GRID2: variants seen among roughly 807,000 people sequenced by gnomAD.
The protein encoded by GRID2 is glutamate ionotropic receptor delta type subunit 2, also known as glutamate receptor ionotropic, delta-2.
GRID2 carries 33 observed loss-of-function variants against 114.8 expected under a neutral mutation model. That is an observed-to-expected ratio of 0.29 (90% confidence interval 0.22 to 0.38). The LOEUF is 0.38. Ranked by LOEUF, GRID2 falls within the 10% of genes least tolerant of loss-of-function variation. The pLI, the probability that GRID2 is intolerant of heterozygous loss-of-function variation, is 1.00. For synonymous variants in GRID2, 505 were observed against 449.9 expected, an observed-to-expected ratio of 1.12 and a Z score of -1.55; for missense variants, 1,184 against 1,257.7, an observed-to-expected ratio of 0.94 and a Z score of 0.89.
chr4:92,385,354 A>G (rs938043426), intron 1 of GRID2, among the ~76,000 whole-genome samples: 1 of 151,886 alleles, frequency 6.6e-6, no homozygotes, highest in African/African-American at 2.4e-5. Flanking sequence ...ATTTTCAAAA[A>G]CATTTTAAAA....
intron 1 of GRID2, among the ~76,000 whole-genome samples, chr4:92,588,508 C>A (rs997306667): frequency 1.1e-4 from 16 of 151,034 alleles, no homozygotes; most frequent in African/African-American, 3.9e-4. Context: ...AACCCCGTCC[C>A]TACTACAAAT....
intron 2 of GRID2, among the ~76,000 whole-genome samples, chr4:92,948,395 A>T (rs1042156966): frequency 6.6e-6 from 1 of 151,796 alleles, no homozygotes; most frequent in African/African-American, 2.4e-5. Context: ...TGTAAAGGTT[A>T]TTTTTATACT....
At chr4:93,475,407 T>G (rs1319928699) in intron 11 of GRID2, among the ~76,000 whole-genome samples, 3 of 152,122 alleles carry the variant, frequency 2.0e-5, no homozygotes, top group African/African-American at 7.2e-5. Flanking sequence ...ATGATTCCCT[T>G]TTTCTCTATC....
At chr4:93,265,811 C>T (rs1750761514) in intron 8 of GRID2, among the ~76,000 whole-genome samples, 1 of 152,148 alleles carries the variant, frequency 6.6e-6, no homozygotes, top group South Asian at 2.1e-4. Context: ...CCATGCAGTT[C>T]AAAATCAAAC....
chr4:93,728,434 G>A (rs1730149442), intron 14 of GRID2, among the ~76,000 whole-genome samples: 2 of 152,152 alleles, frequency 1.3e-5, no homozygotes, highest in South Asian at 2.1e-4. Flanking sequence ...AATAGGTGTG[G>A]TGTGGTGCTG....
At chr4:93,781,385 C>T (rs1191353507) in intron 1 of GRID2, among the ~76,000 whole-genome samples, 1 of 149,916 alleles carries the variant, frequency 6.7e-6, no homozygotes, top group Admixed American at 6.6e-5. Flanking sequence ...TGCTGGGCTG[C>T]GGTGAGGGGC....
In GRID2 at chr4:93,036,876, C is replaced by A. The variant is rs140293126; in HGVS notation, c.245-48119C>A. Among the ~76,000 whole-genome samples the A allele has an allele frequency of 4.7e-3, 713 of 152,200 alleles. 3 individuals carry two copies. The highest frequency in any genetic ancestry group is 0.014 in the Middle Eastern group (4 of 294). The stretch of plus-strand genomic sequence containing the variant: ...TGAGGAAATAAGCTATTTCTCCATT[C>A]TTTTATCTAAACACTTGATAACATA... On this transcript the variant is annotated intron_variant, in intron 2 of 15. Transcript: ENST00000282020.
chr4:93,656,326 A>G (rs986559347), intron 14 of GRID2, among the ~76,000 whole-genome samples: 2 of 152,058 alleles, frequency 1.3e-5, no homozygotes, highest in South Asian at 2.1e-4. Flanking sequence ...TCCACAGTCT[A>G]TGGGGGCATT....
chr4:93,591,716 T>C (rs1045167327), intron 13 of GRID2, among the ~76,000 whole-genome samples: 54 of 152,202 alleles, frequency 3.5e-4, no homozygotes, highest in Admixed American at 9.2e-4. Flanking sequence ...AGGTATTGAT[T>C]ATTGCCACAA....
intron 2 of GRID2, among the ~76,000 whole-genome samples, chr4:92,639,765 A>G (rs1731255364): frequency 6.6e-6 from 1 of 151,812 alleles, no homozygotes; most frequent in African/African-American, 2.4e-5. Context: ...TTACACTTGT[A>G]CCTTATAAAG....
chr4:92,591,992 G>A (rs1019206250), intron 2 of GRID2, among the ~76,000 whole-genome samples: 1 of 151,686 alleles, frequency 6.6e-6, no homozygotes, highest in Admixed American at 6.6e-5. Context: ...TTCAATACTG[G>A]AAATGTTAAT....
intron 2 of GRID2, among the ~76,000 whole-genome samples, chr4:92,676,167 C>T (rs1163872503): frequency 5.0e-5 from 5 of 99,316 alleles, no homozygotes; most frequent in South Asian, 4.5e-4. Flanking sequence ...CCCCCCCCCC[C>T]CCCTTTTTTT....
chr4:93,715,077 A>T (rs1006884251), intron 14 of GRID2, among the ~76,000 whole-genome samples: 4 of 152,064 alleles, frequency 2.6e-5, no homozygotes, highest in Admixed American at 6.6e-5. Flanking sequence ...TTACATTTAA[A>T]TTTTTAATCC....
chr4:93,497,923 AT>A (rs1553940539), intron 12 of GRID2, among the ~76,000 whole-genome samples: 1 of 151,884 alleles, frequency 6.6e-6, no homozygotes, highest in Non-Finnish European at 1.5e-5. Context: ...GAGAATTCAC[AT>A]TTTTAATATG....
intron 1 of GRID2, among the ~76,000 whole-genome samples, chr4:92,367,234 G>C (rs192650024): frequency 1.3e-5 from 2 of 152,142 alleles, no homozygotes; most frequent in East Asian, 3.9e-4. Context: ...GGCAAATGGT[G>C]ATCTTCTAAT....
chr4:92,443,838 C>T (rs934547926), intron 1 of GRID2, among the ~76,000 whole-genome samples: 16 of 152,174 alleles, frequency 1.1e-4, no homozygotes, highest in African/African-American at 3.6e-4. Flanking sequence ...ATCAGAGAGG[C>T]GTCCCTGCAA....
At chr4:92,408,632 T>TA (rs1560612149) in intron 1 of GRID2, among the ~76,000 whole-genome samples, 6 of 151,478 alleles carry the variant, frequency 4.0e-5, no homozygotes. Flanking sequence ...TATTATTATT[T>TA]TTTTTTGTCC....
intron 1 of GRID2, among the ~76,000 whole-genome samples, chr4:92,541,431 T>A (rs966781773): frequency 6.6e-6 from 1 of 151,954 alleles, no homozygotes; most frequent in Non-Finnish European, 1.5e-5. Context: ...ATCTTTATAT[T>A]TGAAAGCTTC....
At chr4:92,549,939 A>G (rs1168200358) in intron 1 of GRID2, among the ~76,000 whole-genome samples, 3 of 152,128 alleles carry the variant, frequency 2.0e-5, no homozygotes, top group Admixed American at 2.0e-4. Context: ...TGGTAGGGTA[A>G]AACTCAAAGA....
Sources: gnomAD v4.1 joint callset for allele counts (sites outside exome capture counted in the v4.1 genomes callset) on GRCh38, gnomAD v4.1.1 for gene constraint, MANE v1.5 for transcripts, NCBI Gene and HGNC (gene_info 2026-07-23, HGNC 2026-07-21) for gene names.